Variants in TIAM1 observed in about 807,000 individuals in gnomAD.
TIAM1 encodes the protein rho guanine nucleotide exchange factor TIAM1.
A neutral mutation model predicts 163.5 loss-of-function variants in TIAM1; 65 were observed. The observed-to-expected ratio is 0.40, with a 90% CI of 0.33 to 0.49. The LOEUF is 0.49. TIAM1 is among the 20% of genes least tolerant of loss of function. TIAM1 has a pLI of 0.77. For missense variants in TIAM1, 1,789 were observed against 2,044.7 expected, an observed-to-expected ratio of 0.87 and a Z score of 2.41; for synonymous variants, 833 against 810.1, an observed-to-expected ratio of 1.03 and a Z score of -0.48.
intron 2 of TIAM1, among the ~76,000 whole-genome samples, chr21:31,290,537 C>T (rs954600009): frequency 6.6e-6 from 1 of 151,264 alleles, no homozygotes; most frequent in Non-Finnish European, 1.5e-5. Context: ...ATCCCAGCTA[C>T]TCTGGAGGCT....
intron 2 of TIAM1, among the ~76,000 whole-genome samples, chr21:31,384,389 A>AC (rs1364048979): frequency 1.9e-5 from 2 of 103,384 alleles, no homozygotes; most frequent in Admixed American, 1.2e-4. Context: ...ACATGGCAAG[A>AC]CCCCATCTCT....
At chr21:31,491,125 G>A (rs1044501717) in intron 1 of TIAM1, among the ~76,000 whole-genome samples, 4 of 151,676 alleles carry the variant, frequency 2.6e-5, no homozygotes, top group Admixed American at 2.0e-4. Context: ...GTGAAATTCC[G>A]TCGAAAGAAA....
At chr21:31,164,385 A>G (rs8134901) in intron 16 of TIAM1, among the ~76,000 whole-genome samples, 23,729 of 148,570 alleles carry the variant, frequency 0.16, 5,323 homozygotes, top group African/African-American at 0.5. Context: ...GCGAGACTCC[A>G]TCTCAAAAAA....
At chr21:31,468,741 A>C (rs931728704) in intron 1 of TIAM1, among the ~76,000 whole-genome samples, 1 of 152,060 alleles carries the variant, frequency 6.6e-6, no homozygotes, top group Non-Finnish European at 1.5e-5. Flanking sequence ...GTGCCACTGC[A>C]CTCCAGCCTG....
chr21:31,502,080 G>A (rs1309113341), intron 1 of TIAM1, among the ~76,000 whole-genome samples: 1 of 152,106 alleles, frequency 6.6e-6, no homozygotes, highest in East Asian at 1.9e-4. Flanking sequence ...TTTGAGAGCT[G>A]GGGGAAAGTT....
rs181830979 is a variant in TIAM1, at chr21:31,314,778, C to T, written c.-189+24465G>A. The stretch of plus-strand genomic sequence containing the variant: ...ATGCTTGTAAAGGGTAGGGGTCACA[C>T]AGACTTGCTAATTTCAGCGCTTCTG... On this transcript the variant is annotated intron_variant, in intron 2 of 27. Coordinates refer to ENST00000541036, the MANE Select transcript of TIAM1 (RefSeq NM_001353694.2). Among the ~76,000 whole-genome samples, 45 of 152,244 alleles carry T rather than the reference C, an allele frequency of 3.0e-4. No individual in the cohort carries two copies. In the East Asian group the frequency reaches 7.3e-3, roughly 25 times the overall value.
chr21:31,531,808 A>C (rs73345647), intron 1 of TIAM1, among the ~76,000 whole-genome samples: 3,712 of 151,752 alleles, frequency 0.024, 155 homozygotes, highest in African/African-American at 0.085. Flanking sequence ...ATCAACAGCA[A>C]GAGAAACAAA....
At chr21:31,499,755 CAGG>C (rs1055089055) in intron 1 of TIAM1, among the ~76,000 whole-genome samples, 3 of 151,906 alleles carry the variant, frequency 2.0e-5, no homozygotes, top group Admixed American at 6.6e-5. Context: ...GAGGCTGAGG[CAGG>C]AGAATTGCTT....
intron 3 of TIAM1, among the ~76,000 whole-genome samples, chr21:31,268,982 G>T (rs1358210114): frequency 6.6e-6 from 1 of 152,092 alleles, no homozygotes; most frequent in African/African-American, 2.4e-5. Context: ...ACTCACATAG[G>T]TTTAAATTTA....
At chr21:31,423,700 TAAAAAAA>T (rs200137644) in intron 2 of TIAM1, among the ~76,000 whole-genome samples, 50 of 48,234 alleles carry the variant, frequency 1.0e-3, no homozygotes, top group Admixed American at 5.1e-3. Flanking sequence ...TAGAAAGTTG[TAAAAAAA>T]AAAAAAAAAA....
intron 15 of TIAM1, among the ~76,000 whole-genome samples, chr21:31,173,314 C>T (rs1018911915): frequency 2.0e-5 from 3 of 151,854 alleles, no homozygotes; most frequent in East Asian, 1.9e-4. Context: ...GGAAAAAAAA[C>T]GTTTGGGGGT....
In TIAM1 at chr21:31,316,615, G is replaced by A. The variant is rs1440597474; in HGVS notation, c.-189+22628C>T. On this transcript the variant is annotated intron_variant, in intron 2 of 27. Transcript: ENST00000541036. Reference sequence around the variant, plus strand: ...TCTAAGGTGTTCTGAGCCAAGATAGGATTGTGTGATGGGCATGCCTATGCC... The same window carrying A: ...TCTAAGGTGTTCTGAGCCAAGATAGAATTGTGTGATGGGCATGCCTATGCC... Among the ~76,000 whole-genome samples the A allele has an allele frequency of 3.9e-5, 6 of 152,306 alleles. No homozygotes were observed. In the East Asian group the frequency reaches 1.2e-3, roughly 29 times the overall value.
intron 24 of TIAM1, 86 bp from the exon 25 acceptor site, chr21:31,130,401 T>C: frequency 9.4e-7 from 1 of 1,063,816 alleles, no homozygotes; most frequent in South Asian, 1.3e-5. Context: ...AGCGACAGAC[T>C]CTCACGCAGT....
At chr21:31,189,044 C>CTTTTTTTTTTTTT (rs58786753) in intron 13 of TIAM1, among the ~76,000 whole-genome samples, 3 of 70,086 alleles carry the variant, frequency 4.3e-5, no homozygotes, top group African/African-American at 1.7e-4. Flanking sequence ...TCCATTCCCT[C>CTTTTTTTTTTTTT]TTTTTTTTTT....
At chr21:31,244,277 C>T (rs2071376808) in intron 6 of TIAM1, among the ~76,000 whole-genome samples, 2 of 152,198 alleles carry the variant, frequency 1.3e-5, no homozygotes, top group Non-Finnish European at 2.9e-5. Context: ...TTCCTCTATA[C>T]CTTTGTTCTA....
chr21:31,264,448 G>T (rs781765327), intron 4 of TIAM1, among the ~76,000 whole-genome samples: 3 of 152,100 alleles, frequency 2.0e-5, no homozygotes, highest in African/African-American at 4.8e-5. Context: ...TAAGAACCAG[G>T]CACTATGCTT....
intron 14 of TIAM1, among the ~76,000 whole-genome samples, chr21:31,185,123 A>T (rs1261915603): frequency 6.6e-6 from 1 of 152,156 alleles, no homozygotes; most frequent in East Asian, 1.9e-4. Context: ...GGATGTGTTG[A>T]TCTCTGACGT....
Position 31,173,305 on chromosome 21 carries a change from G to GA in TIAM1, c.2888-8241dup, listed in dbSNP as rs941464862. 2.2e-4 allele frequency among the ~76,000 whole-genome samples: 34 copies of GA among 151,232 alleles called. 1 individual carries two copies. Among genetic ancestry groups the GA allele is most frequent in the Admixed American group, 1.5e-3 (22 of 15,164 alleles). ...AATGCCTGAGTTTAAATCCCTGATG[G>GA]AAAAAAAACGTTTGGGGGTGGGGGC... On this transcript the variant is annotated intron_variant, in intron 15 of 27. Transcript: ENST00000541036.
chr21:31,421,716 T>C (rs2043580445), intron 2 of TIAM1, among the ~76,000 whole-genome samples: 1 of 152,126 alleles, frequency 6.6e-6, no homozygotes, highest in African/African-American at 2.4e-5. Flanking sequence ...GCCAGCCGGC[T>C]GCAGTGGCCA....
Sources: allele counts gnomAD v4.1 joint callset (sites outside exome capture counted in the v4.1 genomes callset), GRCh38; gene constraint gnomAD v4.1.1; transcripts MANE v1.5; gene names NCBI Gene and HGNC (gene_info 2026-07-23, HGNC 2026-07-21).